Variants in MYO1H observed in about 807,000 individuals in gnomAD.
The protein encoded by MYO1H is myosin IH.
In MYO1H, 118 loss-of-function variants were observed where a neutral mutation model predicts 149.3. That is an observed-to-expected ratio of 0.79 (90% CI 0.68 to 0.92). MYO1H has a LOEUF of 0.92. MYO1H is among the 40% of genes least tolerant of loss of function. The probability of loss-of-function intolerance (pLI) is 0.00; values close to 1 mark genes in which losing one functional copy is unlikely to be tolerated. For synonymous variants in MYO1H, 447 were observed against 465.2 expected, an observed-to-expected ratio of 0.96 and a Z score of 0.50; for missense variants, 1,212 against 1,280.7, an observed-to-expected ratio of 0.95 and a Z score of 0.82.
chr12:109,356,249 A>C (rs1014894711), intron 1 of MYO1H, among the ~76,000 whole-genome samples: 23 of 152,234 alleles, frequency 1.5e-4, no homozygotes, highest in African/African-American at 5.5e-4. Context: ...GTTTTAACAT[A>C]ATCCATTGTC....
At chr12:109,395,889 T>A (rs1026053057) in intron 3 of MYO1H, among the ~76,000 whole-genome samples, 1 of 88,070 alleles carries the variant, frequency 1.1e-5, no homozygotes, top group Non-Finnish European at 3.0e-5. Context: ...GTTTTGTTTT[T>A]TGTTGGTTTG....
chr12:109,349,614 T>A (rs1206817687), intron 1 of MYO1H, among the ~76,000 whole-genome samples: 1 of 144,282 alleles, frequency 6.9e-6, no homozygotes, highest in Non-Finnish European at 1.5e-5. Context: ...TGAACTGTGA[T>A]CATGCCATGC....
chr12:109,399,749 C>T (rs1373760217), intron 5 of MYO1H, among the ~76,000 whole-genome samples: 1 of 151,716 alleles, frequency 6.6e-6, no homozygotes, highest in Non-Finnish European at 1.5e-5. Context: ...CCCGTCTTTA[C>T]AAAAAACAAA....
the MYO1H span, among the ~76,000 whole-genome samples, chr12:109,312,538 G>A: frequency 6.6e-6 from 1 of 152,064 alleles, no homozygotes; most frequent in South Asian, 2.1e-4. Context: ...GCCCGGCCTA[G>A]AAGTTCAGTT....
chr12:109,365,495 C>A (rs980596726), intron 1 of MYO1H, among the ~76,000 whole-genome samples: 1 of 152,144 alleles, frequency 6.6e-6, no homozygotes, highest in Non-Finnish European at 1.5e-5. Flanking sequence ...GTACTTTTCC[C>A]CTCCCTCGGA....
At chr12:109,410,093 C>A in intron 12 of MYO1H, 25 bp downstream of exon 12, 4 of 1,203,142 alleles carry the variant, frequency 3.3e-6, no homozygotes, top group Non-Finnish European at 4.6e-6. Context: ...GTTTTCTCCT[C>A]ATCTGATTTC....
intron 14 of MYO1H, among the ~76,000 whole-genome samples, chr12:109,413,189 G>T (rs558753050): frequency 6.6e-6 from 1 of 152,178 alleles, no homozygotes; most frequent in Non-Finnish European, 1.5e-5. Context: ...TAGCCAGGCT[G>T]GTCTCGAACT....
chr12:109,346,416 C>A (rs137966146), upstream of MYO1H, among the ~76,000 whole-genome samples: 1 of 152,092 alleles, frequency 6.6e-6, no homozygotes, highest in African/African-American at 2.4e-5. Flanking sequence ...GAATGTTATA[C>A]GTGATTTATA....
At chr12:109,318,985 T>TTTTTTTG in the MYO1H span, among the ~76,000 whole-genome samples, 6 of 146,416 alleles carry the variant, frequency 4.1e-5, no homozygotes, top group Non-Finnish European at 7.5e-5. Flanking sequence ...TTTTTTTTTT[T>TTTTTTTG]TTTTTTTTTG....
chr12:109,385,370 T>C (rs1869282439), intron 1 of MYO1H, among the ~76,000 whole-genome samples: 1 of 150,780 alleles, frequency 6.6e-6, no homozygotes, highest in African/African-American at 2.5e-5. Flanking sequence ...TCATGGCTCA[T>C]TGCAGCCTCA....
the MYO1H span, among the ~76,000 whole-genome samples, chr12:109,318,974 T>TTTTTTTTTTTTTTTTTTTTG: frequency 1.2e-5 from 1 of 83,406 alleles, no homozygotes; most frequent in Non-Finnish European, 2.2e-5. Flanking sequence ...TTGGTTTTGT[T>TTTTTTTTTTTTTTTTTTTTG]TTTTTTTTTT....
At chr12:109,416,575 G>A (rs1191938381) in intron 15 of MYO1H, among the ~76,000 whole-genome samples, 3 of 152,010 alleles carry the variant, frequency 2.0e-5, no homozygotes, top group Non-Finnish European at 4.4e-5. Context: ...TAGGCACTTG[G>A]GTTGTTTATA....
chr12:109,364,193 AAAAAAGAAGT>A (rs1312243448), intron 1 of MYO1H, among the ~76,000 whole-genome samples: 1 of 151,346 alleles, frequency 6.6e-6, no homozygotes, highest in African/African-American at 2.4e-5. Context: ...AAAAAAAAAA[AAAAAAGAAGT>A]GGGAACAGCA....
intron 1 of MYO1H, among the ~76,000 whole-genome samples, chr12:109,351,642 C>T (rs981904642): frequency 2.6e-4 from 39 of 152,160 alleles, no homozygotes; most frequent in African/African-American, 9.2e-4. Context: ...AAAATATTTG[C>T]TGATTGGTTG....
intron 1 of MYO1H, among the ~76,000 whole-genome samples, chr12:109,381,342 G>A (rs1344931707): frequency 2.0e-5 from 3 of 152,156 alleles, no homozygotes; most frequent in Non-Finnish European, 2.9e-5. Flanking sequence ...GAGCTCAGGA[G>A]TTCAAGATTA....
chr12:109,444,514 ATGT>A (rs767059272), exon 30 of MYO1H: 7 of 1,613,676 alleles, frequency 4.3e-6, no homozygotes, highest in Non-Finnish European at 5.1e-6. Context: ...AACATTGTCA[ATGT>A]TGTTCAAGGA....
At chr12:109,364,281 G>T (rs564156408) in intron 1 of MYO1H, among the ~76,000 whole-genome samples, 49 of 151,166 alleles carry the variant, frequency 3.2e-4, no homozygotes, top group South Asian at 2.1e-4. Flanking sequence ...GTGTGGATAA[G>T]CATACACATA....
At chr12:109,332,190 T>C in the MYO1H span, among the ~76,000 whole-genome samples, 2 of 152,306 alleles carry the variant, frequency 1.3e-5, no homozygotes, top group South Asian at 4.1e-4. Flanking sequence ...TAAGTTAGAA[T>C]TGGTCTGCTT....
chr12:109,372,439 G>GT (rs1445183799), intron 1 of MYO1H, among the ~76,000 whole-genome samples: 1 of 152,060 alleles, frequency 6.6e-6, no homozygotes, highest in African/African-American at 2.4e-5. Context: ...ATTTCTCTGA[G>GT]TTTTTACAAT....
Sources: gnomAD v4.1 joint callset for allele counts (sites outside exome capture counted in the v4.1 genomes callset) on GRCh38, gnomAD v4.1.1 for gene constraint, MANE v1.5 for transcripts, NCBI Gene and HGNC (gene_info 2026-07-23, HGNC 2026-07-21) for gene names.